The following FGGY variants were observed in gnomAD, a reference collection of about 807,000 sequenced individuals.
The protein encoded by FGGY is FGGY carbohydrate kinase domain-containing protein.
In FGGY, 72 loss-of-function variants were observed where a neutral mutation model predicts 71.3. The ratio of observed to expected loss-of-function variants is 1.01; its 90% CI spans 0.84 to 1.23. FGGY has a LOEUF of 1.23. Among genes scored for constraint, FGGY ranks in the 50% most tolerant of loss-of-function variants. The probability of loss-of-function intolerance (pLI) is 0.00; values close to 1 mark genes in which losing one functional copy is unlikely to be tolerated. For synonymous variants in FGGY, 251 were observed against 250.3 expected (o/e 1.00, Z -0.02); for missense variants, 668 against 682.3 (o/e 0.98, Z 0.23).
chr1:59,731,852 C>T (rs574724753), intron 14 of FGGY, among the ~76,000 whole-genome samples: 1 of 152,188 alleles, frequency 6.6e-6, no homozygotes, highest in Admixed American at 6.5e-5. Context: ...TGCTCCGAAT[C>T]CCTGTTTAAG....
intron 6 of FGGY, among the ~76,000 whole-genome samples, chr1:59,501,818 T>G (rs962321508): frequency 6.6e-6 from 1 of 152,198 alleles, no homozygotes; most frequent in Admixed American, 6.5e-5. Context: ...TTTGCTCTCA[T>G]GACCCCAAAA....
At chr1:59,481,243 G>A (rs1261504033) in intron 6 of FGGY, among the ~76,000 whole-genome samples, 1 of 152,072 alleles carries the variant, frequency 6.6e-6, no homozygotes, top group Admixed American at 6.6e-5. Context: ...CCCCTATAGA[G>A]TTCTTTAAAT....
Position 59,679,132 on chromosome 1 carries a change from G to A in FGGY, c.1512+4999G>A, listed in dbSNP as rs115443551. Among the ~76,000 whole-genome samples the A allele has an allele frequency of 4.4e-3, 670 of 152,320 alleles. 4 individuals carry two copies. The highest frequency in any genetic ancestry group is 0.015 in the African/African-American group (642 of 41,576). ...CTGACCGCAGTGGTCTACCCTTGAGGTCATTCCTTGCAAACATCCTCATTG... is the reference window on the plus strand; with the variant it reads ...CTGACCGCAGTGGTCTACCCTTGAGATCATTCCTTGCAAACATCCTCATTG... On this transcript the variant is annotated intron_variant, in intron 14 of 15. Coordinates refer to ENST00000303721, the MANE Select transcript of FGGY (RefSeq NM_018291.5).
At chr1:59,542,613 C>T (rs1269827179) in intron 7 of FGGY, among the ~76,000 whole-genome samples, 1 of 151,682 alleles carries the variant, frequency 6.6e-6, no homozygotes, top group Non-Finnish European at 1.5e-5. Flanking sequence ...TGCACCACCA[C>T]GCCCGGCTAA....
chr1:59,501,694 G>A (rs547851948), intron 6 of FGGY, among the ~76,000 whole-genome samples: 97 of 152,278 alleles, frequency 6.4e-4, no homozygotes, highest in South Asian at 2.3e-3. Flanking sequence ...CACTTTTAAA[G>A]CATTTCCCTC....
At chr1:59,573,478 A>G (rs1226845343) in intron 8 of FGGY, among the ~76,000 whole-genome samples, 1 of 152,134 alleles carries the variant, frequency 6.6e-6, no homozygotes, top group East Asian at 1.9e-4. Context: ...ATATATACAC[A>G]CATGTATGTT....
chr1:59,506,186 A>T (rs1466579019), intron 6 of FGGY, among the ~76,000 whole-genome samples: 5 of 152,198 alleles, frequency 3.3e-5, no homozygotes, highest in African/African-American at 9.6e-5. Context: ...TCAACGTAAG[A>T]TTGTTTTGAT....
chr1:59,456,446 C>CTTTT (rs554474364), intron 5 of FGGY, among the ~76,000 whole-genome samples: 7 of 133,084 alleles, frequency 5.3e-5, no homozygotes, highest in Admixed American at 7.6e-5. Flanking sequence ...AGGACTGAAA[C>CTTTT]TTTTTTTTTT....
At chr1:59,379,568 C>G (rs1357796343) in intron 5 of FGGY, among the ~76,000 whole-genome samples, 1 of 152,012 alleles carries the variant, frequency 6.6e-6, no homozygotes, top group Non-Finnish European at 1.5e-5. Flanking sequence ...AATGCAGAGG[C>G]CTAGGATATT....
chr1:59,593,205 C>T (rs1013262711), intron 8 of FGGY, among the ~76,000 whole-genome samples: 8 of 152,302 alleles, frequency 5.3e-5, no homozygotes, highest in Admixed American at 2.0e-4. Flanking sequence ...CAGAAATGAA[C>T]CACTGTGCAG....
At chr1:59,747,934 G>A (rs1427504158) in intron 14 of FGGY, among the ~76,000 whole-genome samples, 1 of 152,158 alleles carries the variant, frequency 6.6e-6, no homozygotes. Context: ...ATGAGCTAAA[G>A]CAAGTTTCAA....
chr1:59,548,550 G>A (rs1356449377), intron 7 of FGGY, among the ~76,000 whole-genome samples: 1 of 152,112 alleles, frequency 6.6e-6, no homozygotes, highest in Non-Finnish European at 1.5e-5. Context: ...CTCTGAAGAA[G>A]TAGATAAACA....
intron 6 of FGGY, among the ~76,000 whole-genome samples, chr1:59,477,687 A>T (rs1282582578): frequency 6.6e-6 from 1 of 152,116 alleles, no homozygotes; most frequent in Non-Finnish European, 1.5e-5. Context: ...GAGGGGGGAA[A>T]AACCCACTGT....
intron 6 of FGGY, among the ~76,000 whole-genome samples, chr1:59,492,487 A>C (rs1289442837): frequency 6.6e-6 from 1 of 152,154 alleles, no homozygotes; most frequent in African/African-American, 2.4e-5. Flanking sequence ...ACATCCCCAG[A>C]GCAAAACTTT....
chr1:59,305,540 G>T (rs1478300751), intron 1 of FGGY, among the ~76,000 whole-genome samples: 1 of 152,116 alleles, frequency 6.6e-6, no homozygotes, highest in East Asian at 1.9e-4. Context: ...TCCTTGTCTA[G>T]CTTTAGTTTA....
At chr1:59,412,666 A>C (rs553297626) in intron 5 of FGGY, among the ~76,000 whole-genome samples, 1 of 152,176 alleles carries the variant, frequency 6.6e-6, no homozygotes, top group African/African-American at 2.4e-5. Context: ...TTTACACCTT[A>C]TTTATTGAGA....
chr1:59,371,275 G>C, intron 4 of FGGY, among the ~76,000 whole-genome samples: 1 of 152,000 alleles, frequency 6.6e-6, no homozygotes. Context: ...TGATAAAACA[G>C]ACTTTAAACC....
At chr1:59,742,398 C>T (rs932854353) in intron 14 of FGGY, among the ~76,000 whole-genome samples, 26 of 152,220 alleles carry the variant, frequency 1.7e-4, no homozygotes, top group Non-Finnish European at 3.1e-4. Flanking sequence ...CATTGAAACA[C>T]GCTTCCACTG....
chr1:59,456,937 T>A, intron 5 of FGGY, 24 bp from the exon 6 acceptor site: 1 of 1,556,194 alleles, frequency 6.4e-7, no homozygotes, highest in Non-Finnish European at 8.9e-7. Context: ...GTCAGTTCTA[T>A]CTATATCTCT....
Sources: gnomAD v4.1 joint callset for allele counts (sites outside exome capture counted in the v4.1 genomes callset) on GRCh38, gnomAD v4.1.1 for gene constraint, MANE v1.5 for transcripts, NCBI Gene and HGNC (gene_info 2026-07-23, HGNC 2026-07-21) for gene names.